PEBP4: variants seen among roughly 807,000 people sequenced by gnomAD.
PEBP4 encodes the protein phosphatidylethanolamine binding protein 4, also known as phosphatidylethanolamine-binding protein 4.
A neutral mutation model predicts 23.9 loss-of-function variants in PEBP4; 22 were observed. The ratio of observed to expected loss-of-function variants is 0.92; its 90% CI spans 0.66 to 1.31. PEBP4 has a LOEUF of 1.31. Ranked by LOEUF, PEBP4 falls within the 40% of genes most tolerant of loss-of-function variation. The pLI, the probability that PEBP4 is intolerant of heterozygous loss-of-function variation, is 0.00. For synonymous variants in PEBP4, 112 were observed against 99.3 expected (o/e 1.13, Z -0.76); for missense variants, 324 against 281.7 (o/e 1.15, Z -1.07).
At chr8:22,808,514 T>A (rs1806549569) in intron 4 of PEBP4, among the ~76,000 whole-genome samples, 1 of 152,200 alleles carries the variant, frequency 6.6e-6, no homozygotes. Context: ...GAAAAGAGAC[T>A]CATAAATAAT....
In PEBP4 at chr8:22,713,361, G is replaced by C. The variant is rs1450668971; in HGVS notation, c.*9C>G. ...TGTGGCCACATGCCCGGATGGCAAA[G>C]CCGGCTATCTAGCAGGCAGCTATCT... On this transcript the variant is annotated 3_prime_UTR_variant, in exon 7 of 7. Coordinates refer to ENST00000256404, the MANE Select transcript of PEBP4 (RefSeq NM_144962.3). The C allele has an allele frequency of 3.8e-6, 6 of 1,570,064 alleles. No individual in the cohort carries two copies. The highest frequency in any genetic ancestry group is 5.2e-6 in the Non-Finnish European group (6 of 1,158,800).
At chr8:22,801,482 T>C (rs1032228837) in intron 4 of PEBP4, among the ~76,000 whole-genome samples, 1 of 151,860 alleles carries the variant, frequency 6.6e-6, no homozygotes, top group Non-Finnish European at 1.5e-5. Flanking sequence ...TGGTGGGAAG[T>C]AGACAGGAAG....
chr8:22,772,592 C>G (rs568838398), intron 4 of PEBP4, among the ~76,000 whole-genome samples: 3 of 151,132 alleles, frequency 2.0e-5, no homozygotes, highest in African/African-American at 4.9e-5. Context: ...AACTCCTGGC[C>G]TCAGTTGATC....
At chr8:22,938,912 C>A (rs1300642846) in intron 1 of PEBP4, among the ~76,000 whole-genome samples, 1 of 152,188 alleles carries the variant, frequency 6.6e-6, no homozygotes, top group Non-Finnish European at 1.5e-5. Context: ...CATATAAAAA[C>A]CGTATGCTGT....
chr8:22,904,095 G>T (rs1808761560), intron 3 of PEBP4, among the ~76,000 whole-genome samples: 1 of 152,192 alleles, frequency 6.6e-6, no homozygotes, highest in African/African-American at 2.4e-5. Flanking sequence ...CTGAGAGTGG[G>T]GCAAGGCTGA....
chr8:22,816,076 C>G (rs1031199041), intron 4 of PEBP4, among the ~76,000 whole-genome samples: 1 of 152,224 alleles, frequency 6.6e-6, no homozygotes, highest in African/African-American at 2.4e-5. Flanking sequence ...GGCCTAAGTT[C>G]AGAAAATGAC....
intron 3 of PEBP4, among the ~76,000 whole-genome samples, chr8:22,864,796 C>A (rs868859982): frequency 6.6e-6 from 1 of 152,218 alleles, no homozygotes; most frequent in African/African-American, 2.4e-5. Context: ...CTGACCAAGT[C>A]CTAGCGGGTA....
At chr8:22,900,441 G>A (rs564510325) in intron 3 of PEBP4, among the ~76,000 whole-genome samples, 1 of 152,074 alleles carries the variant, frequency 6.6e-6, no homozygotes, top group African/African-American at 2.4e-5. Flanking sequence ...TTGAGGCCAG[G>A]GGTTCGAGAC....
intron 4 of PEBP4, among the ~76,000 whole-genome samples, chr8:22,732,250 G>T (rs1188315602): frequency 6.6e-6 from 1 of 152,148 alleles, no homozygotes; most frequent in African/African-American, 2.4e-5. Flanking sequence ...CCTAGCAAGG[G>T]AAGGGAGGAG....
intron 4 of PEBP4, among the ~76,000 whole-genome samples, chr8:22,816,711 G>T (rs1396988176): frequency 1.3e-5 from 2 of 152,116 alleles, no homozygotes; most frequent in Non-Finnish European, 2.9e-5. Context: ...TGTTTTTCTA[G>T]TTCCGAGTTC....
At chr8:22,890,989 C>T (rs763405735) in intron 3 of PEBP4, among the ~76,000 whole-genome samples, 26 of 152,156 alleles carry the variant, frequency 1.7e-4, no homozygotes, top group African/African-American at 4.6e-4. Context: ...CCACCACATC[C>T]GACTAATTGT....
intron 3 of PEBP4, among the ~76,000 whole-genome samples, chr8:22,890,171 C>T (rs923177031): frequency 6.6e-6 from 1 of 152,160 alleles, no homozygotes; most frequent in Non-Finnish European, 1.5e-5. Flanking sequence ...AACAATTGCG[C>T]TCTAGGAAAT....
chr8:22,802,545 T>C (rs961088097), intron 4 of PEBP4, among the ~76,000 whole-genome samples: 1 of 152,220 alleles, frequency 6.6e-6, no homozygotes, highest in African/African-American at 2.4e-5. Context: ...CTGACACTGG[T>C]TCCAACCACA....
intron 4 of PEBP4, among the ~76,000 whole-genome samples, chr8:22,728,629 G>A (rs4424254): frequency 0.2 from 25,209 of 122,972 alleles, 2,371 homozygotes; most frequent in Admixed American, 0.28. Flanking sequence ...TTGGAGTCTC[G>A]CTCTGTCATC....
chr8:22,892,543 G>A lies in PEBP4; in HGVS notation c.258+27641C>T, dbSNP rs116703386. ...AGTTTTCTGCTTAAAAAAAGCTAGA[G>A]TATGGTTTCCATTTTCTGCAAGTAA... is the stretch of plus-strand genomic sequence containing the variant. On this transcript the variant is annotated intron_variant, in intron 3 of 6. Transcript: ENST00000256404. 2.5e-3 allele frequency among the ~76,000 whole-genome samples: 381 copies of A among 152,282 alleles called. 1 individual carries two copies. The highest frequency in any genetic ancestry group is 8.9e-3 in the African/African-American group (369 of 41,556).
At position 22,775,867 on chromosome 8, in the gene PEBP4, G is replaced by C. The variant is rs1017774348; in HGVS notation, c.357+41770C>G. Among the ~76,000 whole-genome samples the C allele has an allele frequency of 6.6e-6, 1 of 152,104 alleles. No individual in the cohort carries two copies. Among genetic ancestry groups the C allele is most frequent in the Non-Finnish European group, 1.5e-5 (1 of 68,016 alleles). ...GGATTGCCCGACTCCTTGGCTCTTG[G>C]GGGGGTTTCCCGTTCTGGAGGCGCC... is the stretch of plus-strand genomic sequence containing the variant. On this transcript the variant is annotated intron_variant, in intron 4 of 6. Transcript: ENST00000256404. The surrounding 1 kb of genome is among the most constrained non-coding windows in gnomAD (Gnocchi z 4.8).
Position 22,831,507 on chromosome 8 carries a change from G to A in PEBP4, c.259-13772C>T, listed in dbSNP as rs574718079. ...CATTCATTCAACAAGCATTGATTGA[G>A]CTCTTTTCATATACTAAGCACCATG... is the stretch of plus-strand genomic sequence containing the variant. On this transcript the variant is annotated intron_variant, in intron 3 of 6. Transcript: ENST00000256404. 2.0e-5 allele frequency among the ~76,000 whole-genome samples: 3 copies of A among 152,250 alleles called. No individual in the cohort carries two copies. The East Asian group carries it at 5.8e-4, about 29-fold the overall frequency.
At chr8:22,896,954 C>G (rs988311464) in intron 3 of PEBP4, among the ~76,000 whole-genome samples, 9 of 150,188 alleles carry the variant, frequency 6.0e-5, no homozygotes, top group Non-Finnish European at 1.0e-4. Flanking sequence ...ATAGCTAAAT[C>G]TAAAATGGAT....
At chr8:22,790,362 GA>G (rs1174222486) in intron 4 of PEBP4, among the ~76,000 whole-genome samples, 1 of 152,222 alleles carries the variant, frequency 6.6e-6, no homozygotes, top group African/African-American at 2.4e-5. Context: ...TGAGGGGGTA[GA>G]TACAGGGATT....
Sources: gnomAD v4.1 joint callset for allele counts (sites outside exome capture counted in the v4.1 genomes callset) on GRCh38, gnomAD v4.1.1 for gene constraint, Gnocchi (gnomAD v3.1) non-coding constraint, MANE v1.5 for transcripts, NCBI Gene and HGNC (gene_info 2026-07-23, HGNC 2026-07-21) for gene names.